Variants in SFXN5 observed in about 807,000 individuals in gnomAD.
SFXN5 encodes sideroflexin 5.
In SFXN5, 43 loss-of-function variants were observed where a neutral mutation model predicts 50.2. That is an observed-to-expected ratio of 0.86 (90% CI 0.67 to 1.11). SFXN5 has a LOEUF of 1.11. SFXN5 is among the 50% of genes least tolerant of loss of function. The probability of loss-of-function intolerance (pLI) is 0.00; values close to 1 mark genes in which losing one functional copy is unlikely to be tolerated. For synonymous variants in SFXN5, 203 were observed against 185.8 expected, an observed-to-expected ratio of 1.09 and a Z score of -0.75; for missense variants, 463 against 454.1, an observed-to-expected ratio of 1.02 and a Z score of -0.18.
intron 6 of SFXN5, among the ~76,000 whole-genome samples, chr2:73,002,375 G>A (rs886123244): frequency 7.2e-5 from 11 of 152,298 alleles, no homozygotes; most frequent in African/African-American, 2.6e-4. Context: ...AAGATGAATG[G>A]TCTGATTTTG....
At chr2:73,071,306 C>T (rs1683585362) in intron 1 of SFXN5, 2 of 417,572 alleles carry the variant, frequency 4.8e-6, no homozygotes, top group African/African-American at 4.2e-5. Context: ...CGCTCGGGAC[C>T]TTGACCGCAG....
intron 6 of SFXN5, among the ~76,000 whole-genome samples, chr2:73,005,442 G>A (rs897049724): frequency 7.9e-5 from 12 of 152,174 alleles, no homozygotes; most frequent in African/African-American, 2.9e-4. Context: ...GCAAGTCACT[G>A]GAGCTCTTTG....
At chr2:73,023,723 G>C (rs1677198698) in intron 3 of SFXN5, among the ~76,000 whole-genome samples, 1 of 152,212 alleles carries the variant, frequency 6.6e-6, no homozygotes, top group African/African-American at 2.4e-5. Flanking sequence ...CTCTGACACA[G>C]AGTCGTTTAA....
intron 2 of SFXN5, among the ~76,000 whole-genome samples, chr2:73,054,707 T>C (rs1051447359): frequency 2.6e-5 from 4 of 152,202 alleles, no homozygotes; most frequent in Admixed American, 2.6e-4. Context: ...AGTCCACCAT[T>C]AGCACCTCTA....
intron 6 of SFXN5, 82 bp downstream of exon 6, chr2:73,020,157 C>T (rs1676676903): frequency 1.5e-6 from 2 of 1,321,584 alleles, no homozygotes; most frequent in East Asian, 2.4e-5. Flanking sequence ...ACAATTCAGT[C>T]AAATACCCGT....
intron 6 of SFXN5, among the ~76,000 whole-genome samples, chr2:73,016,040 A>G (rs916809545): frequency 6.6e-6 from 1 of 151,914 alleles, no homozygotes; most frequent in African/African-American, 2.4e-5. Flanking sequence ...AAGTCTTTAA[A>G]TGTATTGCCT....
At chr2:73,037,030 G>C (rs1679073702) in intron 3 of SFXN5, among the ~76,000 whole-genome samples, 1 of 152,242 alleles carries the variant, frequency 6.6e-6, no homozygotes, top group Non-Finnish European at 1.5e-5. Context: ...TCTGGCCAAG[G>C]TGCTGCTTCC....
At chr2:72,980,445 C>T (rs926714302) in intron 10 of SFXN5, among the ~76,000 whole-genome samples, 3 of 152,182 alleles carry the variant, frequency 2.0e-5, no homozygotes, top group Non-Finnish European at 4.4e-5. Context: ...GATGCATGCC[C>T]TCATATTTGC....
intron 3 of SFXN5, among the ~76,000 whole-genome samples, chr2:73,027,085 T>A (rs1193081491): frequency 1.3e-5 from 2 of 152,016 alleles, no homozygotes; most frequent in Admixed American, 6.6e-5. Context: ...AAAAGTTAAC[T>A]GTTAAACAGC....
At chr2:73,018,635 G>C (rs1395741479) in intron 6 of SFXN5, among the ~76,000 whole-genome samples, 1 of 152,154 alleles carries the variant, frequency 6.6e-6, no homozygotes, top group Non-Finnish European at 1.5e-5. Context: ...TTCTCAATTA[G>C]TTTTTTACCC....
At chr2:72,963,720 T>C (rs1386304446) in intron 12 of SFXN5, among the ~76,000 whole-genome samples, 1 of 152,188 alleles carries the variant, frequency 6.6e-6, no homozygotes, top group African/African-American at 2.4e-5. Context: ...AGACCCAGCC[T>C]GGTGCCCCTG....
intron 2 of SFXN5, among the ~76,000 whole-genome samples, chr2:73,045,750 T>C (rs550325213): frequency 1.3e-5 from 2 of 152,080 alleles, no homozygotes; most frequent in South Asian, 4.1e-4. Context: ...AATGGTTATG[T>C]GCAGGCAAAG....
chr2:73,011,501 A>G (rs770138649), intron 6 of SFXN5, among the ~76,000 whole-genome samples: 1 of 152,276 alleles, frequency 6.6e-6, no homozygotes, highest in Non-Finnish European at 1.5e-5. Flanking sequence ...CAGCTGGAGA[A>G]GAGACGTGCC....
rs1054318274 is a variant in SFXN5 at position 72,961,113 on chromosome 2, G to A, written c.945+18C>T. On this transcript the variant is annotated intron_variant, in intron 13 of 13. Transcript: ENST00000272433. This position sits in a 1 kb window ranked among gnomAD's most constrained non-coding sequence, Gnocchi z 4.4. The stretch of plus-strand genomic sequence containing the variant: ...GCACCCCCTGCCCTGCCCTGCCCTT[G>A]AGCCCCTCCCCACTGACCTCTGACA... The A allele has an allele frequency of 2.0e-6, 3 of 1,536,862 alleles. No individual in the cohort carries two copies. Among genetic ancestry groups the A allele is most frequent in the South Asian group, 1.2e-5 (1 of 85,022 alleles).
intron 12 of SFXN5, among the ~76,000 whole-genome samples, chr2:72,964,201 T>A (rs1674103402): frequency 6.6e-6 from 1 of 152,212 alleles, no homozygotes; most frequent in African/African-American, 2.4e-5. Context: ...CTTCAGCACT[T>A]GGAGCGCAGT....
At chr2:73,013,201 G>A (rs951670941) in intron 6 of SFXN5, among the ~76,000 whole-genome samples, 2 of 152,114 alleles carry the variant, frequency 1.3e-5, no homozygotes, top group South Asian at 2.1e-4. Flanking sequence ...TGAGTTAAAT[G>A]TAAGTAGCCT....
intron 3 of SFXN5, among the ~76,000 whole-genome samples, chr2:73,027,924 A>C (rs1423716461): frequency 2.0e-5 from 3 of 152,046 alleles, no homozygotes; most frequent in Admixed American, 6.6e-5. Context: ...CACCTCCCAA[A>C]GTGTCAGGGT....
intron 3 of SFXN5, among the ~76,000 whole-genome samples, chr2:73,027,016 C>T (rs941233740): frequency 2.0e-5 from 3 of 152,044 alleles, no homozygotes; most frequent in Admixed American, 2.0e-4. Context: ...CGTGAGCCAC[C>T]GTGCCCAGCC....
intron 1 of SFXN5, chr2:73,059,313 G>A (rs1346287826): frequency 6.1e-6 from 6 of 985,512 alleles, no homozygotes; most frequent in Non-Finnish European, 7.2e-6. Flanking sequence ...TGAGCTCAAG[G>A]GGAAGACAGA....
Sources: allele counts gnomAD v4.1 joint callset (sites outside exome capture counted in the v4.1 genomes callset), GRCh38; gene constraint gnomAD v4.1.1; non-coding constraint Gnocchi (gnomAD v3.1); transcripts MANE v1.5; gene names NCBI Gene and HGNC (gene_info 2026-07-23, HGNC 2026-07-21).